Variants in GPHN observed in about 807,000 individuals in gnomAD.
The protein encoded by GPHN is gephyrin.
Under a neutral mutation model 95.5 loss-of-function variants are expected in GPHN, and 17 were observed. That is an observed-to-expected ratio of 0.18 (90% CI 0.12 to 0.27). The LOEUF (loss-of-function observed/expected upper bound fraction) is 0.27, where lower values mean the gene tolerates loss of function less well. GPHN is among the 10% of genes least tolerant of loss of function. The pLI, the probability that GPHN is intolerant of heterozygous loss-of-function variation, is 1.00. For synonymous variants in GPHN, 320 were observed against 322.5 expected (o/e 0.99, Z 0.08); for missense variants, 660 against 978.1 (o/e 0.67, Z 4.34).
the GPHN span, among the ~76,000 whole-genome samples, chr14:67,565,962 A>G: frequency 6.6e-6 from 1 of 152,128 alleles, no homozygotes; most frequent in Non-Finnish European, 1.5e-5. Context: ...TCTACTAAAA[A>G]TACAAAAATT....
intron 4 of GPHN, among the ~76,000 whole-genome samples, chr14:66,870,382 A>G (rs2063385566): frequency 6.6e-6 from 1 of 152,168 alleles, no homozygotes; most frequent in Non-Finnish European, 1.5e-5. Flanking sequence ...GAAGATCTTC[A>G]GAAAGAATTA....
chr14:67,196,282 T>A, the GPHN span, among the ~76,000 whole-genome samples: 1 of 151,756 alleles, frequency 6.6e-6, no homozygotes, highest in African/African-American at 2.4e-5. Context: ...ATTGGCACAG[T>A]CTTGGCTCAC....
the GPHN span, chr14:67,678,454 A>G: frequency 6.8e-7 from 1 of 1,473,512 alleles, no homozygotes; most frequent in East Asian, 2.3e-5. Flanking sequence ...TATGAAGCAC[A>G]GTGTTAAGAA....
intron 8 of GPHN, among the ~76,000 whole-genome samples, chr14:66,961,679 A>G (rs1187044598): frequency 6.6e-6 from 1 of 151,474 alleles, no homozygotes; most frequent in African/African-American, 2.4e-5. Flanking sequence ...TCTCACTAAG[A>G]ATCAGAGAAA....
chr14:67,504,907 A>T, the GPHN span, among the ~76,000 whole-genome samples: 1 of 15,762 alleles, frequency 6.3e-5, no homozygotes, highest in South Asian at 2.5e-3. Flanking sequence ...AAACAAAAAC[A>T]AAAACAAAAA....
rs182272994 is a variant in GPHN at position 67,081,546 on chromosome 14, G to T, written c.1145-7437G>T. Among the ~76,000 whole-genome samples the T allele has an allele frequency of 5.9e-4, 90 of 152,248 alleles. 3 individuals carry two copies. Among genetic ancestry groups the T allele is most frequent in the African/African-American group, 2.1e-3 (87 of 41,546 alleles). On this transcript the variant is annotated intron_variant, in intron 11 of 22. Coordinates refer to ENST00000478722, the MANE Select transcript of GPHN (RefSeq NM_020806.5). Reference sequence around the variant, plus strand: ...GTGAAGATTTTCTCCCACTCTGTGGGTTGTCTGTTTACTTTGCTGATTGTT... The same window carrying T: ...GTGAAGATTTTCTCCCACTCTGTGGTTTGTCTGTTTACTTTGCTGATTGTT...
At chr14:67,161,375 C>T (rs1400697381) in intron 19 of GPHN, among the ~76,000 whole-genome samples, 6 of 145,226 alleles carry the variant, frequency 4.1e-5, no homozygotes, top group African/African-American at 1.5e-4. Context: ...GGTATAACTG[C>T]TTTTTTTTTT....
intron 2 of GPHN, among the ~76,000 whole-genome samples, chr14:66,708,584 A>G (rs2069315937): frequency 6.6e-6 from 1 of 152,168 alleles, no homozygotes; most frequent in African/African-American, 2.4e-5. Flanking sequence ...TATTTTAAGC[A>G]TTTCAGTATT....
At chr14:67,342,649 T>C in the GPHN span, among the ~76,000 whole-genome samples, 6 of 150,876 alleles carry the variant, frequency 4.0e-5, no homozygotes, top group African/African-American at 1.5e-4. Flanking sequence ...TGAGGTAACT[T>C]TCTCACTAAC....
chr14:67,415,007 C>T, the GPHN span, among the ~76,000 whole-genome samples: 37 of 152,312 alleles, frequency 2.4e-4, no homozygotes, highest in South Asian at 3.1e-3. Context: ...CCCCCAGCAG[C>T]GACCTGCATC....
At chr14:67,256,410 A>T in the GPHN span, among the ~76,000 whole-genome samples, 1 of 152,222 alleles carries the variant, frequency 6.6e-6, no homozygotes, top group Non-Finnish European at 1.5e-5. Context: ...TATATATTTT[A>T]AAAAAACAAG....
the GPHN span, among the ~76,000 whole-genome samples, chr14:67,325,983 T>TC: frequency 2.1e-5 from 3 of 144,848 alleles, no homozygotes; most frequent in South Asian, 4.4e-4. Flanking sequence ...TCTTTTCTTT[T>TC]TTTTTTTTTT....
At chr14:66,515,825 ATCTT>A (rs2139740247) in intron 1 of GPHN, among the ~76,000 whole-genome samples, 1 of 152,358 alleles carries the variant, frequency 6.6e-6, no homozygotes, top group East Asian at 1.9e-4. Flanking sequence ...AGACAGTTCA[ATCTT>A]TCTTGTCTTG....
chr14:66,988,465 T>C (rs1029996014), intron 9 of GPHN, among the ~76,000 whole-genome samples: 1 of 152,068 alleles, frequency 6.6e-6, no homozygotes, highest in African/African-American at 2.4e-5. Context: ...ATAATCAGTG[T>C]TAGGGTATCA....
the GPHN span, chr14:67,359,974 C>G: frequency 1.9e-6 from 1 of 537,274 alleles, no homozygotes; most frequent in Non-Finnish European, 3.3e-6. Context: ...CCCAACCCCT[C>G]CCCATCCAGC....
chr14:67,642,087 T>C, the GPHN span: 1 of 1,144,144 alleles, frequency 8.7e-7, no homozygotes, highest in Non-Finnish European at 1.3e-6. Flanking sequence ...AAAATGATTA[T>C]GATGTGTACT....
At chr14:66,843,963 A>G (rs1470818227) in intron 4 of GPHN, among the ~76,000 whole-genome samples, 1 of 151,998 alleles carries the variant, frequency 6.6e-6, no homozygotes, top group African/African-American at 2.4e-5. Context: ...TATTATTCCT[A>G]AATTTTCCAG....
intron 1 of GPHN, among the ~76,000 whole-genome samples, chr14:66,588,621 G>T (rs9944150): frequency 2.0e-5 from 3 of 151,568 alleles, no homozygotes; most frequent in Non-Finnish European, 4.4e-5. Context: ...TCGATCAAGC[G>T]GAAGAAATGA....
chr14:67,653,350 A>G, the GPHN span: 1 of 1,178,958 alleles, frequency 8.5e-7, no homozygotes. Flanking sequence ...GAGGTGCTTT[A>G]TGAGGACCTT....
Sources: allele counts gnomAD v4.1 joint callset (sites outside exome capture counted in the v4.1 genomes callset), GRCh38; gene constraint gnomAD v4.1.1; transcripts MANE v1.5; gene names NCBI Gene and HGNC (gene_info 2026-07-23, HGNC 2026-07-21).